The following HMGCL variants were observed in gnomAD, a reference collection of about 807,000 sequenced individuals.
HMGCL encodes hydroxymethylglutaryl-CoA lyase, mitochondrial.
In HMGCL, 26 loss-of-function variants were observed where a neutral mutation model predicts 37.3. The ratio of observed to expected loss-of-function variants is 0.70; its 90% confidence interval spans 0.51 to 0.97. The LOEUF (loss-of-function observed/expected upper bound fraction) is 0.97. HMGCL is among the 50% of genes least tolerant of loss of function. The pLI is 0.00. For missense variants in HMGCL, 379 were observed against 398.1 expected, an observed-to-expected ratio of 0.95 and a Z score of 0.41; for synonymous variants, 151 against 148.0, an observed-to-expected ratio of 1.02 and a Z score of -0.15.
chr1:23,804,892 C>A (rs1177387932), intron 7 of HMGCL, among the ~76,000 whole-genome samples: 1 of 130,028 alleles, frequency 7.7e-6, no homozygotes, highest in Non-Finnish European at 1.6e-5. Context: ...CCCCCACTTA[C>A]CCCCCACCAC....
intron 6 of HMGCL, 114 bp downstream of exon 6, chr1:23,810,622 G>T: frequency 2.4e-6 from 2 of 848,304 alleles, no homozygotes; most frequent in Non-Finnish European, 4.0e-6. Context: ...GGAGCTGGGT[G>T]AATGAATGAA....
chr1:23,822,850 A>G (rs1020482340), intron 1 of HMGCL, among the ~76,000 whole-genome samples: 1 of 152,184 alleles, frequency 6.6e-6, no homozygotes, highest in African/African-American at 2.4e-5. Context: ...GGGGCTCGAT[A>G]AATAACAGTT....
intron 5 of HMGCL, among the ~76,000 whole-genome samples, chr1:23,813,585 C>T (rs145706123): frequency 1.6e-4 from 25 of 152,186 alleles, no homozygotes; most frequent in African/African-American, 5.8e-4. Flanking sequence ...GCAATTTGCA[C>T]AGCAGTGTGA....
intron 1 of HMGCL, among the ~76,000 whole-genome samples, chr1:23,821,844 T>C (rs2148426541): frequency 6.6e-6 from 1 of 152,172 alleles, no homozygotes; most frequent in Non-Finnish European, 1.5e-5. Context: ...GGGTTCCTCA[T>C]CTGGCTTTTT....
Position 23,802,570 on chromosome 1 carries a change from A to C in HMGCL, c.877-6T>G, listed in dbSNP as rs1638303130. 6.3e-7 allele frequency: 1 copy of C among 1,597,650 alleles called. No homozygotes were observed. Among genetic ancestry groups the C allele is most frequent in the Admixed American group, 1.7e-5 (1 of 59,984 alleles). ...AGCTTCTGGAGATTCACACCCTTTG[A>C]GAAACAAGTTAGAGGATGCGGTAAG... On this transcript the variant is annotated splice_polypyrimidine_tract_variant and splice_region_variant and intron_variant, in intron 8 of 8. Coordinates refer to ENST00000374490, the MANE Select transcript of HMGCL (RefSeq NM_000191.3).
intron 2 of HMGCL, among the ~76,000 whole-genome samples, chr1:23,818,036 T>C (rs948216193): frequency 1.4e-4 from 21 of 152,334 alleles, no homozygotes; most frequent in African/African-American, 4.8e-4. Flanking sequence ...TAACATGGCA[T>C]AGTCTCAAGC....
In HMGCL at chr1:23,802,434, AT is replaced by A. The variant is rs2148415721; in HGVS notation, c.*28del. Reference sequence around the variant, plus strand: ...CTGTGTGTGCCCCTATTTCCACATCATCCCCAGGGCTTCAGGTGGGCAAGGG... The same window carrying A: ...CTGTGTGTGCCCCTATTTCCACATCACCCCAGGGCTTCAGGTGGGCAAGGG... On this transcript the variant is annotated 3_prime_UTR_variant, in exon 9 of 9. Transcript: ENST00000374490. 2 of 1,352,510 alleles carry A rather than the reference AT, an allele frequency of 1.5e-6. No individual in the cohort carries two copies. Among genetic ancestry groups the A allele is most frequent in the East Asian group, 4.6e-5 (2 of 43,704 alleles). The allele number at this position is 1,352,510 out of a possible 1,614,324, so 83.8% of individuals were successfully genotyped here. A position where few individuals can be genotyped will look rare whatever the true frequency, so the allele number is the denominator to read the frequency against.
chr1:23,821,338 C>T (rs978568290), intron 1 of HMGCL, among the ~76,000 whole-genome samples: 3 of 150,668 alleles, frequency 2.0e-5, no homozygotes, highest in Admixed American at 6.7e-5. Context: ...CCTTGGGCGA[C>T]AGAGGAAGAC....
At chr1:23,813,650 G>A (rs999103304) in intron 5 of HMGCL, among the ~76,000 whole-genome samples, 2 of 152,118 alleles carry the variant, frequency 1.3e-5, no homozygotes, top group Non-Finnish European at 2.9e-5. Flanking sequence ...TTTATAAAGT[G>A]AGGATAACCT....
chr1:23,810,723 C>T lies in HMGCL; in HGVS notation c.561+13G>A, dbSNP rs755556712. ...ACCCTCACCAAACCCCCCGCCCTGA[C>T]ACATGCACACACCTCAGCTACTTTA... is the stretch of plus-strand genomic sequence containing the variant. On this transcript the variant is annotated intron_variant, in intron 6 of 8. Transcript: ENST00000374490. The T allele has an allele frequency of 2.2e-5, 36 of 1,613,518 alleles. No homozygotes were observed. In the South Asian group the frequency reaches 3.8e-4, roughly 17 times the overall value.
intron 6 of HMGCL, among the ~76,000 whole-genome samples, chr1:23,809,070 T>TG (rs1638467764): frequency 4.0e-5 from 6 of 150,608 alleles, no homozygotes; most frequent in Admixed American, 2.0e-4. Flanking sequence ...CACGCCCCAC[T>TG]ATTTTTTGTA....
chr1:23,822,755 A>C (rs1450445656), intron 1 of HMGCL, among the ~76,000 whole-genome samples: 1 of 152,194 alleles, frequency 6.6e-6, no homozygotes, highest in African/African-American at 2.4e-5. Context: ...TATCACCCTA[A>C]AACTATCTCA....
In HMGCL at chr1:23,802,204, C is replaced by T; in HGVS notation, c.*259G>A. On this transcript the variant is annotated 3_prime_UTR_variant, in exon 9 of 9. Transcript: ENST00000374490. ...TTCCCACACGTCCTCAGGCATTCAA[C>T]TCCTGGGCCAGGGTCCGTAACAAAG... is the stretch of plus-strand genomic sequence containing the variant. 1.7e-6 allele frequency: 1 copy of T among 597,502 alleles called. No individual in the cohort carries two copies. The highest frequency in any genetic ancestry group is 3.0e-6 in the Non-Finnish European group (1 of 336,066). The allele number at this position is 597,502 out of a possible 1,614,324, so 37.0% of individuals were successfully genotyped here.
intron 7 of HMGCL, chr1:23,807,259 G>A (rs770874306): frequency 1.9e-6 from 1 of 518,398 alleles, no homozygotes; most frequent in South Asian, 1.4e-5. Context: ...GGAAAGCCCA[G>A]GAACCAGGGC....
chr1:23,820,797 T>C (rs1237712009), intron 1 of HMGCL, among the ~76,000 whole-genome samples: 1 of 152,328 alleles, frequency 6.6e-6, no homozygotes, highest in East Asian at 1.9e-4. Context: ...AAGAGATTCA[T>C]CCTTCCAGTA....
At chr1:23,821,028 T>C (rs993659979) in intron 1 of HMGCL, among the ~76,000 whole-genome samples, 1 of 152,216 alleles carries the variant, frequency 6.6e-6, no homozygotes, top group Non-Finnish European at 1.5e-5. Context: ...TAGGACTCTG[T>C]ATGCTGCTGT....
intron 4 of HMGCL, among the ~76,000 whole-genome samples, chr1:23,815,848 T>C (rs1179361666): frequency 6.7e-6 from 1 of 149,694 alleles, no homozygotes; most frequent in Non-Finnish European, 1.5e-5. Flanking sequence ...TTTCTCTTAA[T>C]TAAAAAAAAA....
chr1:23,805,965 G>C (rs1002275939), intron 7 of HMGCL, among the ~76,000 whole-genome samples: 1 of 149,620 alleles, frequency 6.7e-6, no homozygotes, highest in South Asian at 2.1e-4. Flanking sequence ...TTTTTGATAA[G>C]AAGTCTCACT....
intron 6 of HMGCL, chr1:23,810,520 A>C: frequency 1.8e-6 from 1 of 551,280 alleles, no homozygotes; most frequent in Non-Finnish European, 3.3e-6. Context: ...GGCTGGATAG[A>C]GGCCAGGGGC....
Sources: gnomAD v4.1 joint callset for allele counts (sites outside exome capture counted in the v4.1 genomes callset) on GRCh38, gnomAD v4.1.1 for gene constraint, MANE v1.5 for transcripts, NCBI Gene and HGNC (gene_info 2026-07-23, HGNC 2026-07-21) for gene names.